The following MYCN variants were observed in gnomAD, a reference collection of about 807,000 sequenced individuals.
The protein encoded by MYCN is MYCN proto-oncogene, bHLH transcription factor.
Under a neutral mutation model 28.1 loss-of-function variants are expected in MYCN, and 3 were observed. That is an observed-to-expected ratio of 0.11 (90% CI 0.05 to 0.28). The LOEUF (loss-of-function observed/expected upper bound fraction) is 0.28. Among genes scored for constraint, MYCN ranks in the 10% least tolerant of loss-of-function variants. The probability of loss-of-function intolerance (pLI) is 1.00; values close to 1 mark genes in which losing one functional copy is unlikely to be tolerated. For synonymous variants in MYCN, 326 were observed against 288.3 expected (o/e 1.13, Z -1.32); for missense variants, 572 against 651.4 (o/e 0.88, Z 1.33).
In MYCN at chr2:15,945,166, A is replaced by G. The variant is rs888530757; in HGVS notation, c.791-327A>G. Among the ~76,000 whole-genome samples, 2 of 151,918 alleles carry G rather than the reference A, an allele frequency of 1.3e-5. No individual in the cohort carries two copies. The highest frequency in any genetic ancestry group is 2.9e-5 in the Non-Finnish European group (2 of 67,994). On this transcript the variant is annotated intron_variant, in intron 2 of 2. Coordinates refer to ENST00000281043, the MANE Select transcript of MYCN (RefSeq NM_005378.6). This position sits in a 1 kb window ranked among gnomAD's most constrained non-coding sequence, Gnocchi z 4.8. ...CGGAGCATGCCACCACACCCAGCAAAGTTTTGTATTTTTAGTAGAGACAGG... is the reference window on the plus strand; with the variant it reads ...CGGAGCATGCCACCACACCCAGCAAGGTTTTGTATTTTTAGTAGAGACAGG...
At position 15,940,720 on chromosome 2, in the gene MYCN, C is replaced by G. The variant is rs1383511886; in HGVS notation, c.-141C>G. ...GGAGACACCCGCGCAGAATCGCCTC[C>G]GGATCCCCTGCAGTCGGCGGGAGGT... On this transcript the variant is annotated 5_prime_UTR_variant, in exon 1 of 3. Coordinates refer to ENST00000281043, the MANE Select transcript of MYCN (RefSeq NM_005378.6). 19 of 399,354 alleles carry G rather than the reference C, an allele frequency of 4.8e-5. No individual in the cohort carries two copies. Among genetic ancestry groups the G allele is most frequent in the East Asian group, 3.6e-5 (1 of 28,024 alleles). 24.7% of individuals were successfully genotyped at this position (399,354 alleles called of 1,614,324 possible).
At position 15,940,758 on chromosome 2, in the gene MYCN, T is replaced by G. The variant is rs1662619685; in HGVS notation, c.-118+15T>G. 3.7e-6 allele frequency: 1 copy of G among 267,786 alleles called. No individual in the cohort carries two copies. Among genetic ancestry groups the G allele is most frequent in the African/African-American group, 2.3e-5 (1 of 43,892 alleles). 16.6% of individuals were successfully genotyped at this position (267,786 alleles called of 1,614,324 possible). The stretch of plus-strand genomic sequence containing the variant: ...GTCGGCGGGAGGTAAGGAGCAGGGC[T>G]TGCAAACCGCCCGGCGCCCAGGGAA... On this transcript the variant is annotated intron_variant, in intron 1 of 2. Transcript: ENST00000281043.
chr2:15,941,895 C>A lies in MYCN; in HGVS notation c.-117-53C>A. ...GTTAGAGGGGGCGCCCATTGCCTAT[C>A]CCCTCGGTCTGCCCCGTTTGCCCAC... On this transcript the variant is annotated intron_variant, in intron 1 of 2. Transcript: ENST00000281043. This position sits in a 1 kb window ranked among gnomAD's most constrained non-coding sequence, Gnocchi z 4.8. The A allele has an allele frequency of 1.3e-6, 1 of 745,224 alleles. No homozygotes were observed. Among genetic ancestry groups the A allele is most frequent in the Non-Finnish European group, 2.2e-6 (1 of 453,702 alleles). 46.2% of individuals were successfully genotyped at this position (745,224 alleles called of 1,614,324 possible). A position where few individuals can be genotyped will look rare whatever the true frequency, so the allele number is the denominator to read the frequency against.
chr2:15,941,736 C>A lies in MYCN; in HGVS notation c.-117-212C>A. The A allele has an allele frequency of 2.1e-6, 1 of 469,390 alleles. No homozygotes were observed. The highest frequency in any genetic ancestry group is 3.8e-5 in the East Asian group (1 of 26,416). The allele number at this position is 469,390 out of a possible 1,614,324, so 29.1% of individuals were successfully genotyped here. On this transcript the variant is annotated intron_variant, in intron 1 of 2. Transcript: ENST00000281043. The surrounding 1 kb of genome is among the most constrained non-coding windows in gnomAD (Gnocchi z 4.8). ...GCCACCACCCCCTGCATCTGCATGCCCCCTCCCACCCCCTGTCGTAGACAG... is the reference window on the plus strand; with the variant it reads ...GCCACCACCCCCTGCATCTGCATGCACCCTCCCACCCCCTGTCGTAGACAG...
chr2:15,945,484 TTC>T lies in MYCN; in HGVS notation c.791-4_791-3del, dbSNP rs1662836892. 6.3e-7 allele frequency: 1 copy of T among 1,595,580 alleles called. No homozygotes were observed. Among genetic ancestry groups the T allele is most frequent in the East Asian group, 2.3e-5 (1 of 44,434 alleles). On this transcript the variant is annotated splice_polypyrimidine_tract_variant and splice_region_variant and intron_variant, in intron 2 of 2. Coordinates refer to ENST00000281043, the MANE Select transcript of MYCN (RefSeq NM_005378.6). The surrounding 1 kb of genome is among the most constrained non-coding windows in gnomAD (Gnocchi z 4.8). ...TCTCACATGAGAGTAACTAGCATCT[TTC>T]TCTCAGATGATGAAGATGATGAAGA...
rs568187046 is a variant in MYCN at position 15,941,437 on chromosome 2, CTT to C, written c.-117-504_-117-503del. On this transcript the variant is annotated intron_variant, in intron 1 of 2. Transcript: ENST00000281043. The surrounding 1 kb of genome is among the most constrained non-coding windows in gnomAD (Gnocchi z 4.8). ...TTGTTGGTCTCTGTCTAGAGAAAGG[CTT>C]TTTTTTATTTGCAAAGTTTTCTAAA... is the stretch of plus-strand genomic sequence containing the variant. 1 of 154,210 alleles carries C rather than the reference CTT, an allele frequency of 6.5e-6. No individual in the cohort carries two copies. The highest frequency in any genetic ancestry group is 2.0e-4 in the South Asian group (1 of 4,888). 9.6% of individuals were successfully genotyped at this position (154,210 alleles called of 1,614,324 possible). A position where few individuals can be genotyped will look rare whatever the true frequency, so the allele number is the denominator to read the frequency against.
chr2:15,945,736 C>T lies in MYCN; in HGVS notation c.1034C>T (p.Pro345Leu), dbSNP rs1662848993. The T allele has an allele frequency of 6.2e-7, 1 of 1,614,046 alleles. No individual in the cohort carries two copies. Among genetic ancestry groups the T allele is most frequent in the Non-Finnish European group, 8.5e-7 (1 of 1,180,000 alleles). The change falls in exon 3 of 3, where the codon CCC becomes CTC. Residue 345 changes from proline (P) to leucine (L), a missense_variant. Coordinates refer to ENST00000281043, the MANE Select transcript of MYCN (RefSeq NM_005378.6). This position sits in a 1 kb window ranked among gnomAD's most constrained non-coding sequence, Gnocchi z 4.8. The stretch of plus-strand genomic sequence containing the variant: ...CCCTACGTGGAGAGTGAGGATGCAC[C>T]CCCACAGAAGAAGATAAAGAGCGAG... ...PSPYVESEDAPPQKKIKSEAS... is the reference protein window; with the variant it reads ...PSPYVESEDALPQKKIKSEAS...
In MYCN at chr2:15,941,766, T is replaced by G; in HGVS notation, c.-117-182T>G. 1.9e-6 allele frequency: 1 copy of G among 518,910 alleles called. No homozygotes were observed. The allele number at this position is 518,910 out of a possible 1,614,324, so 32.1% of individuals were successfully genotyped here. On this transcript the variant is annotated intron_variant, in intron 1 of 2. Coordinates refer to ENST00000281043, the MANE Select transcript of MYCN (RefSeq NM_005378.6). The surrounding 1 kb of genome is among the most constrained non-coding windows in gnomAD (Gnocchi z 4.8). ...CCCACCCCCTGTCGTAGACAGCTTGTACACAAAAGGAGGGCGGGAGGGAGG... is the reference window on the plus strand; with the variant it reads ...CCCACCCCCTGTCGTAGACAGCTTGGACACAAAAGGAGGGCGGGAGGGAGG...
Position 15,941,754 on chromosome 2 carries a change from G to C in MYCN, c.-117-194G>C, listed in dbSNP as rs1336422999. On this transcript the variant is annotated intron_variant, in intron 1 of 2. Transcript: ENST00000281043. This position sits in a 1 kb window ranked among gnomAD's most constrained non-coding sequence, Gnocchi z 4.8. ...TGCATGCCCCCTCCCACCCCCTGTC[G>C]TAGACAGCTTGTACACAAAAGGAGG... The C allele has an allele frequency of 4.0e-6, 2 of 501,278 alleles. No individual in the cohort carries two copies. The highest frequency in any genetic ancestry group is 6.7e-5 in the Admixed American group (2 of 29,698). 31.1% of individuals were successfully genotyped at this position (501,278 alleles called of 1,614,324 possible). A position where few individuals can be genotyped will look rare whatever the true frequency, so the allele number is the denominator to read the frequency against.
chr2:15,941,764 T>A lies in MYCN; in HGVS notation c.-117-184T>A. On this transcript the variant is annotated intron_variant, in intron 1 of 2. Coordinates refer to ENST00000281043, the MANE Select transcript of MYCN (RefSeq NM_005378.6). This position sits in a 1 kb window ranked among gnomAD's most constrained non-coding sequence, Gnocchi z 4.8. ...CTCCCACCCCCTGTCGTAGACAGCTTGTACACAAAAGGAGGGCGGGAGGGA... is the reference window on the plus strand; with the variant it reads ...CTCCCACCCCCTGTCGTAGACAGCTAGTACACAAAAGGAGGGCGGGAGGGA... 3 of 537,534 alleles carry A rather than the reference T, an allele frequency of 5.6e-6. No homozygotes were observed. The highest frequency in any genetic ancestry group is 3.2e-5 in the East Asian group (1 of 31,030). 33.3% of individuals were successfully genotyped at this position (537,534 alleles called of 1,614,324 possible). A position where few individuals can be genotyped will look rare whatever the true frequency, so the allele number is the denominator to read the frequency against.
Position 15,945,735 on chromosome 2 carries a change from C to G in MYCN, c.1033C>G (p.Pro345Ala). 1 of 1,614,082 alleles carries G rather than the reference C, an allele frequency of 6.2e-7. No individual in the cohort carries two copies. Among genetic ancestry groups the G allele is most frequent in the African/African-American group, 1.3e-5 (1 of 75,012 alleles). The change falls in exon 3 of 3, where the codon CCC (proline) becomes GCC (alanine). Residue 345 changes from proline to alanine, a missense_variant. Coordinates refer to ENST00000281043, the MANE Select transcript of MYCN (RefSeq NM_005378.6). This position sits in a 1 kb window ranked among gnomAD's most constrained non-coding sequence, Gnocchi z 4.8. ...PSPYVESEDA[P>A]PQKKIKSEAS... Reference sequence around the variant, plus strand: ...TCCCTACGTGGAGAGTGAGGATGCACCCCCACAGAAGAAGATAAAGAGCGA... The same window carrying G: ...TCCCTACGTGGAGAGTGAGGATGCAGCCCCACAGAAGAAGATAAAGAGCGA...
Position 15,942,376 on chromosome 2 carries a change from C to A in MYCN, c.312C>A (p.Gly104=). 1 of 1,607,116 alleles carries A rather than the reference C, an allele frequency of 6.2e-7. No homozygotes were observed. The highest frequency in any genetic ancestry group is 8.5e-7 in the Non-Finnish European group (1 of 1,178,256). The stretch of plus-strand genomic sequence containing the variant: ...CGTTCGGCCTGGGGGGACTGGGTGG[C>A]CTCACCCCCAACCCGGTCATCCTCC... The part of the protein sequence containing the change: ...EDAFGLGGLG[G]LTPNPVILQD... Residue 104 remains glycine, a synonymous_variant, in exon 2 of 3, where the codon GGC becomes GGA. Coordinates refer to ENST00000281043, the MANE Select transcript of MYCN (RefSeq NM_005378.6). This position sits in a 1 kb window ranked among gnomAD's most constrained non-coding sequence, Gnocchi z 7.0.
At position 15,945,292 on chromosome 2, in the gene MYCN, GTCC is replaced by G. The variant is rs1469321959; in HGVS notation, c.791-200_791-198del. Among the ~76,000 whole-genome samples the G allele has an allele frequency of 3.9e-5, 6 of 152,046 alleles. No individual in the cohort carries two copies. The highest frequency in any genetic ancestry group is 6.5e-5 in the Admixed American group (1 of 15,268). On this transcript the variant is annotated intron_variant, in intron 2 of 2. Transcript: ENST00000281043. The surrounding 1 kb of genome is among the most constrained non-coding windows in gnomAD (Gnocchi z 4.8). ...TGGGATTACAGGTGTGAGTCACCGC[GTCC>G]GGCCTACAGATATATTTAATTTAAA...
rs982040971 is a variant in MYCN, at chr2:15,942,871, G to C, written c.790+17G>C. ...GCGATTCAGGTAAAGACCGAACTCG[G>C]GTCCGGCTGCCTCCCTGGGGCACTG... On this transcript the variant is annotated intron_variant, in intron 2 of 2. Coordinates refer to ENST00000281043, the MANE Select transcript of MYCN (RefSeq NM_005378.6). This position sits in a 1 kb window ranked among gnomAD's most constrained non-coding sequence, Gnocchi z 7.0. 6.3e-7 allele frequency: 1 copy of C among 1,576,120 alleles called. No homozygotes were observed. The highest frequency in any genetic ancestry group is 8.6e-7 in the Non-Finnish European group (1 of 1,167,466).
Position 15,945,580 on chromosome 2 carries a change from C to T in MYCN, c.878C>T (p.Ala293Val), listed in dbSNP as rs1197202335. The change falls in exon 3 of 3, where the codon GCT (alanine) becomes GTT (valine). Residue 293 changes from alanine (A) to valine (V), a missense_variant. Ala to Val is a moderately conservative substitution (Grantham distance 64). Coordinates refer to ENST00000281043, the MANE Select transcript of MYCN (RefSeq NM_005378.6). This position sits in a 1 kb window ranked among gnomAD's most constrained non-coding sequence, Gnocchi z 4.8. The part of the protein sequence containing the change: ...EKRRSSSNTK[A>V]VTTFTITVRP... ...CGGCGTTCCTCCTCCAACACCAAGG[C>T]TGTCACCACATTCACCATCACTGTG... 1 of 1,614,024 alleles carries T rather than the reference C, an allele frequency of 6.2e-7. No homozygotes were observed. Among genetic ancestry groups the T allele is most frequent in the Admixed American group, 1.7e-5 (1 of 59,990 alleles).
rs1436237169 is a variant in MYCN at position 15,945,896 on chromosome 2, G to A, written c.1194G>A (p.Arg398=). ...AGCGCCAGCGCCGCAACGACCTTCG[G>A]TCCAGCTTTCTCACGCTCAGGGACC... ...ILERQRRNDL[R]SSFLTLRDHV... is the part of the protein sequence containing the mutation. The change falls in exon 3 of 3, where the codon CGG becomes CGA. Residue 398 remains arginine, a synonymous_variant. Coordinates refer to ENST00000281043, the MANE Select transcript of MYCN (RefSeq NM_005378.6). The surrounding 1 kb of genome is among the most constrained non-coding windows in gnomAD (Gnocchi z 4.8). 1.9e-6 allele frequency: 3 copies of A among 1,614,120 alleles called. No individual in the cohort carries two copies. In the Admixed American group the frequency reaches 5.0e-5, roughly 27 times the overall value.
rs750717149 is a variant in MYCN at position 15,942,291 on chromosome 2, G to A, written c.227G>A (p.Ser76Asn). ...GCGGAGCACAGCTCCGAGCCCCCGAGCTGGGTCACGGAGATGCTGCTTGAG... is the reference window on the plus strand; with the variant it reads ...GCGGAGCACAGCTCCGAGCCCCCGAACTGGGTCACGGAGATGCTGCTTGAG... ...GFAEHSSEPP[S>N]WVTEMLLENE... The change falls in exon 2 of 3, where the codon AGC (serine) becomes AAC (asparagine). Residue 76 changes from serine to asparagine, a missense_variant. Transcript: ENST00000281043. The surrounding 1 kb of genome is among the most constrained non-coding windows in gnomAD (Gnocchi z 7.0). 9.9e-6 allele frequency: 16 copies of A among 1,610,804 alleles called. No homozygotes were observed. The highest frequency in any genetic ancestry group is 3.3e-5 in the South Asian group (3 of 90,750).
Position 15,945,042 on chromosome 2 carries a change from C to G in MYCN, c.791-451C>G, listed in dbSNP as rs1343195148. On this transcript the variant is annotated intron_variant, in intron 2 of 2. Coordinates refer to ENST00000281043, the MANE Select transcript of MYCN (RefSeq NM_005378.6). The surrounding 1 kb of genome is among the most constrained non-coding windows in gnomAD (Gnocchi z 4.8). ...GATAAGGAGTTTTGCTCTTGTTGCC[C>G]AGGCTGGAGTGCAGTGGTATGATCT... 6.6e-6 allele frequency among the ~76,000 whole-genome samples: 1 copy of G among 151,862 alleles called. No homozygotes were observed. Among genetic ancestry groups the G allele is most frequent in the East Asian group, 1.9e-4 (1 of 5,190 alleles).
rs778436138 is a variant in MYCN at position 15,942,708 on chromosome 2, C to T, written c.644C>T (p.Ala215Val). 1 of 1,186,068 alleles carries T rather than the reference C, an allele frequency of 8.4e-7. No homozygotes were observed. Among genetic ancestry groups the T allele is most frequent in the Non-Finnish European group, 1.0e-6 (1 of 960,712 alleles). 73.5% of individuals were successfully genotyped at this position (1,186,068 alleles called of 1,614,324 possible). The change falls in exon 2 of 3, where the codon GCG (alanine) becomes GTG (valine). Residue 215 changes from alanine (A) to valine (V), a missense_variant. By Grantham distance (64) the Ala-to-Val change is moderately conservative (BLOSUM62 0). Coordinates refer to ENST00000281043, the MANE Select transcript of MYCN (RefSeq NM_005378.6). The surrounding 1 kb of genome is among the most constrained non-coding windows in gnomAD (Gnocchi z 7.0). ...GCAGCCCCGGCCAGTGCCCCGGCGG[C>T]GGGCCCTGCGGTCGCCTCGGGGGCG... Reference protein sequence around the residue: ...VPAAPASAPAAGPAVASGAGI... With the variant: ...VPAAPASAPAVGPAVASGAGI...
Sources: allele counts gnomAD v4.1 joint callset (sites outside exome capture counted in the v4.1 genomes callset), GRCh38; gene constraint gnomAD v4.1.1; non-coding constraint Gnocchi (gnomAD v3.1); transcripts MANE v1.5; gene names NCBI Gene and HGNC (gene_info 2026-07-23, HGNC 2026-07-21).